Variants in NANS observed in about 807,000 individuals in gnomAD.
NANS encodes N-acetylneuraminate-9-phosphate synthase.
A neutral mutation model predicts 33.3 loss-of-function variants in NANS; 29 were observed. That is an observed-to-expected ratio of 0.87 (90% CI 0.65 to 1.19). NANS has a LOEUF of 1.19. NANS is among the 50% of genes most tolerant of loss of function. NANS has a pLI of 0.00. For missense variants in NANS, 394 were observed against 461.1 expected, an observed-to-expected ratio of 0.85 and a Z score of 1.33; for synonymous variants, 163 against 177.2, an observed-to-expected ratio of 0.92 and a Z score of 0.64.
chr9:98,061,048 G>C, intron 2 of NANS, 51 bp downstream of exon 2: 1 of 1,575,522 alleles, frequency 6.3e-7, no homozygotes, highest in Non-Finnish European at 8.7e-7. Flanking sequence ...CCAAGGGTCA[G>C]CAGGCAGCCT....
chr9:98,067,979 C>T (rs1169888387), intron 2 of NANS, among the ~76,000 whole-genome samples: 1 of 152,202 alleles, frequency 6.6e-6, no homozygotes, highest in East Asian at 1.9e-4. Context: ...ACCTTGGCCT[C>T]CCAAAGTGCT....
At chr9:98,062,249 G>A (rs1050666901) in intron 2 of NANS, among the ~76,000 whole-genome samples, 1 of 151,886 alleles carries the variant, frequency 6.6e-6, no homozygotes, top group African/African-American at 2.4e-5. Flanking sequence ...CCACAGTTCT[G>A]GAGTCCGCTC....
At chr9:98,057,223 C>G (rs1415700015) in intron 1 of NANS, among the ~76,000 whole-genome samples, 3 of 152,260 alleles carry the variant, frequency 2.0e-5, no homozygotes, top group African/African-American at 7.2e-5. Context: ...CAGACCATCC[C>G]CCCTGCCTGG....
intron 2 of NANS, among the ~76,000 whole-genome samples, chr9:98,063,091 AT>A (rs1018067274): frequency 1.0e-4 from 15 of 149,606 alleles, no homozygotes; most frequent in African/African-American, 3.0e-4. Context: ...GGCCTGGCTG[AT>A]TTTTTTTGTA....
intron 5 of NANS, chr9:98,081,816 TG>T (rs970455747): frequency 6.6e-6 from 1 of 152,190 alleles, no homozygotes; most frequent in Non-Finnish European, 1.5e-5. Flanking sequence ...TTTATTCTAG[TG>T]GGGCCTACCT....
chr9:98,057,372 G>T (rs1221487210), intron 1 of NANS, among the ~76,000 whole-genome samples: 2 of 152,088 alleles, frequency 1.3e-5, no homozygotes, highest in Non-Finnish European at 2.9e-5. Context: ...TTACTTTCAG[G>T]AATGACAGTT....
At chr9:98,074,459 C>G (rs1829490903) in intron 2 of NANS, among the ~76,000 whole-genome samples, 1 of 152,156 alleles carries the variant, frequency 6.6e-6, no homozygotes, top group Admixed American at 6.5e-5. Flanking sequence ...CCTGTAGTAG[C>G]CCCTAGGCAC....
chr9:98,067,590 A>G (rs1437202067), intron 2 of NANS, among the ~76,000 whole-genome samples: 8 of 152,244 alleles, frequency 5.3e-5, no homozygotes, highest in African/African-American at 1.7e-4. Context: ...TTCTTTATAT[A>G]TTCTTTTGAA....
chr9:98,080,563 C>T (rs767315780), intron 4 of NANS, among the ~76,000 whole-genome samples: 3 of 152,178 alleles, frequency 2.0e-5, no homozygotes, highest in Non-Finnish European at 4.4e-5. Flanking sequence ...TCTTAAAATG[C>T]ATTCTTTAGA....
At chr9:98,071,274 C>T (rs1162370834) in intron 2 of NANS, among the ~76,000 whole-genome samples, 1 of 152,222 alleles carries the variant, frequency 6.6e-6, no homozygotes, top group Non-Finnish European at 1.5e-5. Context: ...CTGTATGATG[C>T]ACACCCCAGC....
chr9:98,077,074 C>T lies in NANS; in HGVS notation c.448+57C>T, dbSNP rs1170237814. 6.8e-6 allele frequency: 9 copies of T among 1,324,174 alleles called. No homozygotes were observed. In the African/African-American group the frequency reaches 1.2e-4, roughly 17 times the overall value. The allele number at this position is 1,324,174 out of a possible 1,614,324, so 82.0% of individuals were successfully genotyped here. On this transcript the variant is annotated intron_variant, in intron 3 of 5. Transcript: ENST00000210444. ...GGGAGTCCAAACCTTCATATTTTTA[C>T]TCCCCTCATGGTGGCCCACTTTCAG...
intron 2 of NANS, among the ~76,000 whole-genome samples, chr9:98,072,963 C>T (rs1431101035): frequency 4.6e-5 from 7 of 152,148 alleles, no homozygotes; most frequent in East Asian, 3.9e-4. Context: ...CCAAGAAAAC[C>T]GTCAGGGCTT....
intron 2 of NANS, among the ~76,000 whole-genome samples, chr9:98,063,909 A>G (rs1829059072): frequency 6.6e-6 from 1 of 152,008 alleles, no homozygotes; most frequent in Admixed American, 6.6e-5. Context: ...TGTTTCCTTA[A>G]GATGGCTTCT....
chr9:98,077,988 G>C (rs1395613099), intron 3 of NANS: 2 of 619,752 alleles, frequency 3.2e-6, no homozygotes, highest in Non-Finnish European at 5.5e-6. Flanking sequence ...AACACTGTCG[G>C]GGGGCAGAGG....
intron 3 of NANS, 134 bp downstream of exon 3, chr9:98,077,151 T>C: frequency 1.5e-6 from 1 of 672,180 alleles, no homozygotes; most frequent in East Asian, 2.8e-5. Context: ...TAAATAGAGA[T>C]AGGGTCTCGC....
At chr9:98,056,962 C>T (rs1828843473) in intron 1 of NANS, 22 bp downstream of exon 1, 2 of 1,558,084 alleles carry the variant, frequency 1.3e-6, no homozygotes, top group Non-Finnish European at 1.7e-6. Context: ...GCTCCCGGGA[C>T]CCGGGATTCG....
At chr9:98,078,551 C>T (rs1479338254) in intron 4 of NANS, among the ~76,000 whole-genome samples, 1 of 151,976 alleles carries the variant, frequency 6.6e-6, no homozygotes, top group Admixed American at 6.6e-5. Flanking sequence ...ATGAAATTTT[C>T]TTGGCCAGGC....
intron 5 of NANS, 53 bp downstream of exon 5, chr9:98,081,135 A>C: frequency 6.2e-7 from 1 of 1,602,618 alleles, no homozygotes; most frequent in South Asian, 1.1e-5. Flanking sequence ...GAAAAAGGAT[A>C]GGCTGGCCTG....
At chr9:98,081,599 G>A (rs1829865590) in intron 5 of NANS, 1 of 153,822 alleles carries the variant, frequency 6.5e-6, no homozygotes. Context: ...GTGACCTTCA[G>A]ACAGAGGAAC....
Sources: gnomAD v4.1 joint callset for allele counts (sites outside exome capture counted in the v4.1 genomes callset) on GRCh38, gnomAD v4.1.1 for gene constraint, MANE v1.5 for transcripts, NCBI Gene and HGNC (gene_info 2026-07-23, HGNC 2026-07-21) for gene names.